The following PC variants were observed in gnomAD, a reference collection of about 807,000 sequenced individuals.
PC encodes pyruvate carboxylase.
In PC, 46 loss-of-function variants were observed where a neutral mutation model predicts 107.8. The ratio of observed to expected loss-of-function variants is 0.43; its 90% confidence interval spans 0.34 to 0.55. The LOEUF is 0.55. PC is among the 20% of genes least tolerant of loss of function. The pLI, the probability that PC is intolerant of heterozygous loss-of-function variation, is 0.04. For synonymous variants in PC, 662 were observed against 684.7 expected (o/e 0.97, Z 0.52); for missense variants, 1,241 against 1,643.1 (o/e 0.76, Z 4.23).
chr11:66,873,525 T>A (rs866624543), intron 3 of PC, among the ~76,000 whole-genome samples: 18 of 67,338 alleles, frequency 2.7e-4, no homozygotes, highest in Admixed American at 2.4e-3. Context: ...ATATTATATA[T>A]TATAATATAT....
At chr11:66,887,329 T>C (rs940990828) in intron 3 of PC, among the ~76,000 whole-genome samples, 1 of 151,988 alleles carries the variant, frequency 6.6e-6, no homozygotes, top group South Asian at 2.1e-4. Context: ...CCAAAACAAA[T>C]TGGGATTTTT....
intron 3 of PC, among the ~76,000 whole-genome samples, chr11:66,940,382 T>A (rs1037904369): frequency 6.6e-6 from 1 of 151,914 alleles, no homozygotes; most frequent in African/African-American, 2.4e-5. Context: ...GTTTTTTGTG[T>A]GTGTGTGTTG....
chr11:66,866,411 A>C lies in PC; in HGVS notation c.1023-62T>G. The C allele has an allele frequency of 1.7e-6, 2 of 1,211,060 alleles. No homozygotes were observed. Among genetic ancestry groups the C allele is most frequent in the Non-Finnish European group, 1.2e-6 (1 of 839,520 alleles). The allele number at this position is 1,211,060 out of a possible 1,614,324, so 75.0% of individuals were successfully genotyped here. ...GAAAGGGGGAAACATGAGGCGGGGG[A>C]TAGACGAGGGGCACCGCAGCCAGTG... On this transcript the variant is annotated intron_variant, in intron 10 of 22. Transcript: ENST00000393960. This position sits in a 1 kb window ranked among gnomAD's most constrained non-coding sequence, Gnocchi z 5.4.
intron 12 of PC, among the ~76,000 whole-genome samples, chr11:66,854,532 A>C (rs937674756): frequency 6.6e-6 from 1 of 152,230 alleles, no homozygotes; most frequent in Non-Finnish European, 1.5e-5. Context: ...AGGCTGGGCC[A>C]GGGTGAGTAT....
intron 3 of PC, among the ~76,000 whole-genome samples, chr11:66,913,533 G>A (rs960484484): frequency 1.3e-5 from 2 of 151,674 alleles, no homozygotes; most frequent in African/African-American, 4.8e-5. Flanking sequence ...TTAGCCGGGC[G>A]TGCCTGTAAT....
chr11:66,939,804 C>CAAAAAAA (rs56761659), intron 3 of PC, among the ~76,000 whole-genome samples: 3 of 40,092 alleles, frequency 7.5e-5, no homozygotes, highest in East Asian at 9.4e-4. Flanking sequence ...AACTCCGTCT[C>CAAAAAAA]AAAAAAAAAA....
chr11:66,881,510 G>A (rs1045408180), intron 3 of PC, among the ~76,000 whole-genome samples: 5 of 152,218 alleles, frequency 3.3e-5, no homozygotes, highest in Admixed American at 2.0e-4. Context: ...CACCTACGAC[G>A]ACCTGCAGGC....
chr11:66,915,542 C>T (rs757710993), intron 3 of PC, among the ~76,000 whole-genome samples: 5 of 152,348 alleles, frequency 3.3e-5, no homozygotes, highest in Middle Eastern at 3.4e-3. Flanking sequence ...CTAAGCCACA[C>T]GGCAGCCCCT....
chr11:66,871,312 C>A lies in PC; in HGVS notation c.487+3G>T, dbSNP rs759618865. 1 of 1,614,038 alleles carries A rather than the reference C, an allele frequency of 6.2e-7. No homozygotes were observed. Among genetic ancestry groups the A allele is most frequent in the Non-Finnish European group, 8.5e-7 (1 of 1,180,036 alleles). Reference sequence around the variant, plus strand: ...CCACCCCTTGCTTGCCCGTTATATTCACCCGCAGCAATGGCGATGGCCCGG... The same window carrying A: ...CCACCCCTTGCTTGCCCGTTATATTAACCCGCAGCAATGGCGATGGCCCGG... On this transcript the variant is annotated splice_donor_region_variant and intron_variant, in intron 6 of 22. Coordinates refer to ENST00000393960, the MANE Select transcript of PC (RefSeq NM_001040716.2). The surrounding 1 kb of genome is among the most constrained non-coding windows in gnomAD (Gnocchi z 7.4).
chr11:66,941,078 TAAAAAAAA>T (rs56790474), intron 3 of PC, among the ~76,000 whole-genome samples: 5,235 of 83,924 alleles, frequency 0.062, 331 homozygotes, highest in African/African-American at 0.2. Flanking sequence ...AGACTCCATC[TAAAAAAAA>T]AAAAAAAAAA....
chr11:66,862,515 C>A (rs112965728), intron 12 of PC, among the ~76,000 whole-genome samples: 3,033 of 152,310 alleles, frequency 0.02, 38 homozygotes, highest in South Asian at 0.03. Context: ...GAGGCCAAGG[C>A]AGAGGGGCCG....
rs1949507533 is a variant in PC, at chr11:66,954,340, G to A, written c.-131C>T. 2 of 152,242 alleles carry A rather than the reference G, an allele frequency of 1.3e-5. 1 individual carries two copies. The highest frequency in any genetic ancestry group is 4.1e-4 in the South Asian group (2 of 4,834). The allele number at this position is 152,242 out of a possible 1,614,324, so 9.4% of individuals were successfully genotyped here. On this transcript the variant is annotated 5_prime_UTR_variant, in exon 2 of 23. Coordinates refer to ENST00000393960, the MANE Select transcript of PC (RefSeq NM_001040716.2). ...ATGAAGCAAGCTTTTCATTCGGTAAGTAAGAGGAAATGGTTTATTCTTTTG... is the reference window on the plus strand; with the variant it reads ...ATGAAGCAAGCTTTTCATTCGGTAAATAAGAGGAAATGGTTTATTCTTTTG...
intron 3 of PC, among the ~76,000 whole-genome samples, chr11:66,927,952 A>C (rs1286112962): frequency 2.6e-5 from 4 of 152,186 alleles, no homozygotes; most frequent in Middle Eastern, 3.2e-3. Context: ...CTAAGTTCTA[A>C]GATGAACAAT....
At chr11:66,860,135 C>G in intron 12 of PC, 1 of 1,549,556 alleles carries the variant, frequency 6.5e-7, no homozygotes, top group Non-Finnish European at 8.7e-7. Context: ...GGGGGCTGCT[C>G]GGGGCAGGGT....
chr11:66,929,376 TG>T (rs1948791937), intron 3 of PC, among the ~76,000 whole-genome samples: 1 of 152,226 alleles, frequency 6.6e-6, no homozygotes, highest in Admixed American at 6.5e-5. Context: ...ATTTTTGTTT[TG>T]TTTTTTTGAG....
At chr11:66,957,374 T>C (rs1949588997) in intron 1 of PC, among the ~76,000 whole-genome samples, 1 of 152,178 alleles carries the variant, frequency 6.6e-6, no homozygotes, top group African/African-American at 2.4e-5. Flanking sequence ...CTCAGCACTT[T>C]GGGAAGCCAG....
In PC at chr11:66,859,938, C is replaced by T. The variant is rs368508310; in HGVS notation, c.1368+3836G>A. 3.1e-4 allele frequency: 491 copies of T among 1,594,172 alleles called. 5 individuals carry two copies. In the South Asian group the frequency reaches 5.3e-3, roughly 17 times the overall value. On this transcript the variant is annotated intron_variant, in intron 12 of 22. Transcript: ENST00000393960. ...GGGGGCCGGAAATGGCCGCCTCCCC[C>T]TCAAGCTCAGCCACGTCCAGTCCCA...
intron 3 of PC, among the ~76,000 whole-genome samples, chr11:66,884,275 G>A (rs114213773): frequency 0.027 from 4,043 of 151,328 alleles, 164 homozygotes; most frequent in African/African-American, 0.093. Context: ...AGCTGGGCAT[G>A]GTGGTGCCCA....
At chr11:66,932,887 C>G (rs764694817) in intron 3 of PC, among the ~76,000 whole-genome samples, 1 of 152,094 alleles carries the variant, frequency 6.6e-6, no homozygotes, top group Non-Finnish European at 1.5e-5. Context: ...GTCCCAGCAC[C>G]AGGAACTATG....
Sources: allele counts gnomAD v4.1 joint callset (sites outside exome capture counted in the v4.1 genomes callset), GRCh38; gene constraint gnomAD v4.1.1; non-coding constraint Gnocchi (gnomAD v3.1); transcripts MANE v1.5; gene names NCBI Gene and HGNC (gene_info 2026-07-23, HGNC 2026-07-21).